Variants in PIBF1 observed in about 807,000 individuals in gnomAD.
PIBF1 encodes progesterone immunomodulatory binding factor 1, also known as progesterone-induced-blocking factor 1.
In PIBF1, 90 loss-of-function variants were observed where a neutral mutation model predicts 112.5. The observed-to-expected ratio is 0.80, with a 90% confidence interval of 0.67 to 0.95. The LOEUF is 0.95. PIBF1 is among the 40% of genes least tolerant of loss of function. The pLI is 0.00. For synonymous variants in PIBF1, 301 were observed against 288.6 expected, an observed-to-expected ratio of 1.04 and a Z score of -0.44; for missense variants, 915 against 852.3, an observed-to-expected ratio of 1.07 and a Z score of -0.92.
intron 16 of PIBF1, among the ~76,000 whole-genome samples, chr13:72,986,986 C>T (rs914968740): frequency 2.6e-5 from 4 of 152,112 alleles, no homozygotes; most frequent in Admixed American, 1.3e-4. Flanking sequence ...CCACCGCGCC[C>T]GGCCTCTGTC....
intron 14 of PIBF1, among the ~76,000 whole-genome samples, chr13:72,935,866 G>A (rs527585260): frequency 6.6e-6 from 1 of 151,912 alleles, no homozygotes; most frequent in Admixed American, 6.6e-5. Flanking sequence ...TTTTTTGTCT[G>A]TTTTATCAGG....
intron 2 of PIBF1, among the ~76,000 whole-genome samples, chr13:72,791,244 CAG>C (rs1215378990): frequency 5.9e-5 from 9 of 151,948 alleles, no homozygotes; most frequent in Admixed American, 5.9e-4. Flanking sequence ...TTAGTAGAGA[CAG>C]AGTTTTACTA....
chr13:72,990,504 G>T lies in PIBF1; in HGVS notation c.2050-8318G>T, dbSNP rs1387650753. Among the ~76,000 whole-genome samples, 4 of 139,210 alleles carry T rather than the reference G, an allele frequency of 2.9e-5. No homozygotes were observed. In the South Asian group the frequency reaches 9.0e-4, roughly 31 times the overall value. The allele number at this position is 139,210 out of a possible 152,430, so 91.3% of individuals were successfully genotyped here. A position where few individuals can be genotyped will look rare whatever the true frequency, so the allele number is the denominator to read the frequency against. On this transcript the variant is annotated intron_variant, in intron 16 of 17. Transcript: ENST00000326291. ...CCACTACACTCCAGCCTGTGTGACA[G>T]AGCAAGACTCCATCTCTCCATCTCA...
At chr13:72,900,290 G>A (rs927852222) in intron 11 of PIBF1, among the ~76,000 whole-genome samples, 9 of 152,092 alleles carry the variant, frequency 5.9e-5, no homozygotes, top group African/African-American at 2.2e-4. Context: ...AACCCGCATA[G>A]CCAAAGCAAG....
intron 9 of PIBF1, among the ~76,000 whole-genome samples, chr13:72,851,113 G>C (rs893272988): frequency 1.3e-5 from 2 of 152,218 alleles, no homozygotes; most frequent in East Asian, 1.9e-4. Flanking sequence ...CAGCTGCAGT[G>C]GGGGAGGCGC....
chr13:72,830,036 T>G (rs567491573), intron 8 of PIBF1, among the ~76,000 whole-genome samples: 1 of 152,190 alleles, frequency 6.6e-6, no homozygotes, highest in African/African-American at 2.4e-5. Flanking sequence ...ATTCTCTTAG[T>G]AGCAGTTGTG....
chr13:72,964,123 A>G (rs1485895130), intron 14 of PIBF1, among the ~76,000 whole-genome samples: 2 of 152,238 alleles, frequency 1.3e-5, no homozygotes, highest in Admixed American at 6.5e-5. Context: ...AAAATGTACT[A>G]TAAACATACA....
At chr13:72,925,457 C>G (rs1450385714) in intron 13 of PIBF1, among the ~76,000 whole-genome samples, 1 of 151,048 alleles carries the variant, frequency 6.6e-6, no homozygotes, top group African/African-American at 2.4e-5. Flanking sequence ...GGATTCAAGT[C>G]TCTTAACTGA....
intron 10 of PIBF1, among the ~76,000 whole-genome samples, chr13:72,885,211 T>G (rs926235122): frequency 2.0e-5 from 3 of 152,156 alleles, no homozygotes; most frequent in African/African-American, 7.2e-5. Context: ...TTTGGAAGTT[T>G]AATCTTTTTT....
At chr13:72,982,217 C>T (rs1489033466) in intron 16 of PIBF1, among the ~76,000 whole-genome samples, 1 of 152,108 alleles carries the variant, frequency 6.6e-6, no homozygotes, top group Non-Finnish European at 1.5e-5. Context: ...GCAGGCAGAT[C>T]GCTTGAGCTC....
intron 13 of PIBF1, among the ~76,000 whole-genome samples, chr13:72,925,752 G>C (rs184254259): frequency 9.9e-5 from 15 of 151,922 alleles, no homozygotes; most frequent in Admixed American, 2.0e-4. Context: ...ATGTTGGCCA[G>C]GCTGGTCTCG....
intron 9 of PIBF1, among the ~76,000 whole-genome samples, chr13:72,840,029 C>T (rs961753150): frequency 2.0e-5 from 3 of 152,134 alleles, no homozygotes; most frequent in Non-Finnish European, 4.4e-5. Flanking sequence ...TGGACAATTG[C>T]CACCAGGTGG....
In PIBF1 at chr13:72,869,220, T is replaced by C. The variant is rs138859803; in HGVS notation, c.1322+15065T>C. Among the ~76,000 whole-genome samples, 1,293 of 152,240 alleles carry C rather than the reference T, an allele frequency of 8.5e-3. 64 individuals are homozygous for C. Among genetic ancestry groups the C allele is most frequent in the East Asian group, 9.7e-3 (50 of 5,178 alleles). On this transcript the variant is annotated intron_variant, in intron 10 of 17. Coordinates refer to ENST00000326291, the MANE Select transcript of PIBF1 (RefSeq NM_006346.4). ...AGCAAAGACTTGGAACCAACCCAAA[T>C]GTCCAACAATGGTAGACTGGATTGA... is the stretch of plus-strand genomic sequence containing the variant.
chr13:72,905,345 C>T (rs907803453), intron 11 of PIBF1, among the ~76,000 whole-genome samples: 5 of 152,044 alleles, frequency 3.3e-5, no homozygotes, highest in Admixed American at 1.3e-4. Flanking sequence ...GGATTACCGG[C>T]GTGAGCCACC....
chr13:72,834,874 A>C (rs144619908), intron 8 of PIBF1, among the ~76,000 whole-genome samples: 79 of 152,274 alleles, frequency 5.2e-4, no homozygotes, highest in African/African-American at 1.6e-3. Flanking sequence ...TTCATCTCTC[A>C]ACATCATCCT....
intron 5 of PIBF1, among the ~76,000 whole-genome samples, chr13:72,809,576 A>AGGTTTTTTTTT (rs759072223): frequency 6.9e-6 from 1 of 145,494 alleles, no homozygotes; most frequent in Non-Finnish European, 1.5e-5. Context: ...ATTTAATAGA[A>AGGTTTTTTTTT]GGTTTTTTTT....
At chr13:73,010,810 C>CTTTTTTTTTTT (rs1176079981) in intron 17 of PIBF1, among the ~76,000 whole-genome samples, 655 of 40,308 alleles carry the variant, frequency 0.016, 171 homozygotes, top group African/African-American at 0.022. Flanking sequence ...ATTAACTTTT[C>CTTTTTTTTTTT]TTTTTTTTTT....
chr13:72,798,481 T>G (rs182279931), intron 5 of PIBF1, among the ~76,000 whole-genome samples: 1 of 152,350 alleles, frequency 6.6e-6, no homozygotes, highest in East Asian at 1.9e-4. Context: ...AGAATATTTT[T>G]ACTTTGAACT....
At chr13:72,921,034 A>G (rs916104166) in intron 13 of PIBF1, among the ~76,000 whole-genome samples, 2 of 152,198 alleles carry the variant, frequency 1.3e-5, no homozygotes, top group African/African-American at 4.8e-5. Flanking sequence ...TAGATATTTT[A>G]GGGTAGCATT....
Sources: gnomAD v4.1 joint callset for allele counts (sites outside exome capture counted in the v4.1 genomes callset) on GRCh38, gnomAD v4.1.1 for gene constraint, MANE v1.5 for transcripts, NCBI Gene and HGNC (gene_info 2026-07-23, HGNC 2026-07-21) for gene names.